The following TOX3 variants were observed in gnomAD, a reference collection of about 807,000 sequenced individuals.
The protein encoded by TOX3 is TOX high mobility group box family member 3, also known as CAG trinucleotide repeat-containing gene F9 protein.
A neutral mutation model predicts 64.3 loss-of-function variants in TOX3; 22 were observed. That is an observed-to-expected ratio of 0.34 (90% CI 0.24 to 0.49). The LOEUF (loss-of-function observed/expected upper bound fraction) is 0.49, where lower values mean the gene tolerates loss of function less well. TOX3 is among the 20% of genes least tolerant of loss of function. TOX3 has a pLI of 0.99. For missense variants in TOX3, 661 were observed against 714.4 expected, an observed-to-expected ratio of 0.93 and a Z score of 0.85; for synonymous variants, 291 against 273.6, an observed-to-expected ratio of 1.06 and a Z score of -0.63.
chr16:52,465,770 A>G (rs1029756017), intron 2 of TOX3, among the ~76,000 whole-genome samples: 1 of 152,170 alleles, frequency 6.6e-6, no homozygotes, highest in Non-Finnish European at 1.5e-5. Context: ...GTCAAATGTT[A>G]TTTGTATCTC....
Position 52,437,030 on chromosome 16 carries a change from A to G in TOX3, c.*2195T>C, listed in dbSNP as rs185118564. Reference sequence around the variant, plus strand: ...GAAAATCTTTTACCATTCGAGCTCTACTTCTGAAGGATCTGATGCTAGCAC... The same window carrying G: ...GAAAATCTTTTACCATTCGAGCTCTGCTTCTGAAGGATCTGATGCTAGCAC... On this transcript the variant is annotated 3_prime_UTR_variant, in exon 7 of 7. Transcript: ENST00000219746. 15 of 152,328 alleles carry G rather than the reference A, an allele frequency of 9.8e-5. No individual in the cohort carries two copies. The East Asian group carries it at 2.9e-3, about 29-fold the overall frequency. 9.4% of individuals were successfully genotyped at this position (152,328 alleles called of 1,614,324 possible).
chr16:52,499,835 G>C (rs1448518709), intron 1 of TOX3, among the ~76,000 whole-genome samples: 2 of 152,202 alleles, frequency 1.3e-5, no homozygotes, highest in African/African-American at 4.8e-5. Context: ...CTAGGTACAA[G>C]GAAAGGATGC....
intron 6 of TOX3, among the ~76,000 whole-genome samples, chr16:52,440,984 G>T: frequency 6.6e-6 from 1 of 151,738 alleles, no homozygotes; most frequent in East Asian, 1.9e-4. Context: ...GGATGGTCTT[G>T]ATCTCCTGAC....
Position 52,528,441 on chromosome 16 carries a change from A to G in TOX3, c.87+18196T>C, listed in dbSNP as rs776895118. Among the ~76,000 whole-genome samples, 45 of 152,052 alleles carry G rather than the reference A, an allele frequency of 3.0e-4. 1 individual carries two copies. The highest frequency in any genetic ancestry group is 6.8e-3 in the Middle Eastern group (2 of 294). On this transcript the variant is annotated intron_variant, in intron 1 of 6. Transcript: ENST00000219746. ...TTTCACCACCATCTGTCCAGCACCC[A>G]GCAGAGTGAAATCTCCATTTCAGAA... is the stretch of plus-strand genomic sequence containing the variant.
Position 52,437,042 on chromosome 16 carries a change from T to C in TOX3, c.*2183A>G, listed in dbSNP as rs542753187. On this transcript the variant is annotated 3_prime_UTR_variant, in exon 7 of 7. Transcript: ENST00000219746. ...CCATTCGAGCTCTACTTCTGAAGGA[T>C]CTGATGCTAGCACATCATTTCTTTG... 6.6e-6 allele frequency: 1 copy of C among 152,378 alleles called. No homozygotes were observed. Among genetic ancestry groups the C allele is most frequent in the Non-Finnish European group, 1.5e-5 (1 of 68,034 alleles). 9.4% of individuals were successfully genotyped at this position (152,378 alleles called of 1,614,324 possible).
intron 1 of TOX3, among the ~76,000 whole-genome samples, chr16:52,529,808 G>T (rs1962812375): frequency 6.6e-6 from 1 of 152,100 alleles, no homozygotes. Context: ...ACACCATGAG[G>T]TGTAATGAGC....
intron 1 of TOX3, among the ~76,000 whole-genome samples, chr16:52,503,155 C>A (rs1962050971): frequency 6.6e-6 from 1 of 152,020 alleles, no homozygotes. Context: ...TTTTTAGGGT[C>A]TTTCCATCAT....
At chr16:52,450,611 G>T (rs1330375427) in intron 3 of TOX3, 65 bp from the exon 4 acceptor site, 1 of 1,595,764 alleles carries the variant, frequency 6.3e-7, no homozygotes, top group African/African-American at 1.3e-5. Flanking sequence ...AACTTATCAG[G>T]TTAGCATCTC....
At chr16:52,462,148 C>A (rs1013610277) in intron 3 of TOX3, among the ~76,000 whole-genome samples, 2 of 151,980 alleles carry the variant, frequency 1.3e-5, no homozygotes, top group African/African-American at 2.4e-5. Context: ...TGATGAGGTC[C>A]ATGTAAATAC....
chr16:52,541,832 T>A (rs1182511625), intron 1 of TOX3, among the ~76,000 whole-genome samples: 1 of 152,158 alleles, frequency 6.6e-6, no homozygotes, highest in African/African-American at 2.4e-5. Context: ...GACCTCTAGT[T>A]AGGAGCAGCA....
chr16:52,540,830 A>G (rs939138678), intron 1 of TOX3, among the ~76,000 whole-genome samples: 10 of 152,226 alleles, frequency 6.6e-5, no homozygotes, highest in African/African-American at 2.4e-4. Flanking sequence ...GGATAGCAGA[A>G]TAAAAAGAAA....
Position 52,536,141 on chromosome 16 carries a change from C to T in TOX3, c.87+10496G>A, listed in dbSNP as rs1414066473. 5.3e-5 allele frequency among the ~76,000 whole-genome samples: 8 copies of T among 152,282 alleles called. No individual in the cohort carries two copies. In the East Asian group the frequency reaches 1.4e-3, roughly 26 times the overall value. On this transcript the variant is annotated intron_variant, in intron 1 of 6. Transcript: ENST00000219746. Reference sequence around the variant, plus strand: ...TGTACCATGTGCATCAAAGTAAATACACCCCCTATCCTCATGAAGTTTACA... The same window carrying T: ...TGTACCATGTGCATCAAAGTAAATATACCCCCTATCCTCATGAAGTTTACA...
intron 1 of TOX3, among the ~76,000 whole-genome samples, chr16:52,502,932 A>G (rs1228563874): frequency 1.3e-5 from 2 of 152,198 alleles, no homozygotes; most frequent in African/African-American, 4.8e-5. Flanking sequence ...ATCCACAGAC[A>G]CACTGCAACT....
chr16:52,505,100 C>T (rs1305418646), intron 1 of TOX3, among the ~76,000 whole-genome samples: 1 of 152,074 alleles, frequency 6.6e-6, no homozygotes, highest in East Asian at 1.9e-4. Context: ...CCACAAAGTG[C>T]TGGGATTACA....
chr16:52,464,633 C>T (rs1049577368), intron 2 of TOX3, among the ~76,000 whole-genome samples: 13 of 152,162 alleles, frequency 8.5e-5, no homozygotes, highest in Admixed American at 7.9e-4. Flanking sequence ...TACTTTCTGC[C>T]ACAACATATA....
At chr16:52,492,685 A>G (rs945216296) in intron 1 of TOX3, among the ~76,000 whole-genome samples, 1 of 148,972 alleles carries the variant, frequency 6.7e-6, no homozygotes, top group African/African-American at 2.5e-5. Flanking sequence ...GCCAATCAAA[A>G]TTAAGTTACT....
At chr16:52,527,980 A>G (rs1214814618) in intron 1 of TOX3, among the ~76,000 whole-genome samples, 1 of 152,188 alleles carries the variant, frequency 6.6e-6, no homozygotes. Flanking sequence ...GATACACAGG[A>G]AAGTTCCCCA....
chr16:52,441,472 T>C (rs1959985748), intron 6 of TOX3, among the ~76,000 whole-genome samples: 1 of 152,136 alleles, frequency 6.6e-6, no homozygotes. Flanking sequence ...AGAGAAACTA[T>C]CTATTACATT....
At chr16:52,460,193 CT>C (rs1180689281) in intron 3 of TOX3, among the ~76,000 whole-genome samples, 1 of 152,072 alleles carries the variant, frequency 6.6e-6, no homozygotes, top group Non-Finnish European at 1.5e-5. Context: ...TAGAGCACCA[CT>C]ATAGCATTTT....
Sources: gnomAD v4.1 joint callset for allele counts (sites outside exome capture counted in the v4.1 genomes callset) on GRCh38, gnomAD v4.1.1 for gene constraint, MANE v1.5 for transcripts, NCBI Gene and HGNC (gene_info 2026-07-23, HGNC 2026-07-21) for gene names.